Variants in KDM5A observed in about 807,000 individuals in gnomAD.
KDM5A encodes the protein lysine-specific demethylase 5A.
A neutral mutation model predicts 193.5 loss-of-function variants in KDM5A; 42 were observed. The ratio of observed to expected loss-of-function variants is 0.22; its 90% CI spans 0.17 to 0.28. The LOEUF (loss-of-function observed/expected upper bound fraction) is 0.28, where lower values mean the gene tolerates loss of function less well. KDM5A is among the 10% of genes least tolerant of loss of function. The pLI is 1.00. For synonymous variants in KDM5A, 796 were observed against 718.1 expected (o/e 1.11, Z -1.73); for missense variants, 1,692 against 2,055.1 (o/e 0.82, Z 3.42).
At chr12:309,440 G>A (rs959210929) in intron 22 of KDM5A, among the ~76,000 whole-genome samples, 2 of 152,190 alleles carry the variant, frequency 1.3e-5, no homozygotes, top group Non-Finnish European at 2.9e-5. Context: ...TCAGTCTGTA[G>A]TAAAAGTGGG....
Position 331,936 on chromosome 12 carries a change from C to T in KDM5A, c.1656G>A (p.Val552=), listed in dbSNP as rs1342496574. The change falls in exon 13 of 28, where the codon GTG becomes GTA. Residue 552 remains valine (V), a splice_region_variant and synonymous_variant. Transcript: ENST00000399788. ...PNVLMEHGVP[V]YRTNQCAGEF... ...CGCCAGCACACTGATTGGTCCTGTA[C>T]ACCTAAATGCAAATTGGGAACAGGG... 15 of 1,613,536 alleles carry T rather than the reference C, an allele frequency of 9.3e-6. No homozygotes were observed. Among genetic ancestry groups the T allele is most frequent in the Non-Finnish European group, 1.0e-5 (12 of 1,179,698 alleles).
rs1268797787 is a variant in KDM5A at position 280,276 on chromosome 12, T to C, written c.*5180A>G. The stretch of plus-strand genomic sequence containing the variant: ...GGTTGAGCTTTAAATGAAAATATTC[T>C]GGATCTTCCATTTATTGGTATCAAC... On this transcript the variant is annotated 3_prime_UTR_variant, in exon 28 of 28. Coordinates refer to ENST00000399788, the MANE Select transcript of KDM5A (RefSeq NM_001042603.3). 1 of 232,986 alleles carries C rather than the reference T, an allele frequency of 4.3e-6. No individual in the cohort carries two copies. The highest frequency in any genetic ancestry group is 6.0e-5 in the East Asian group (1 of 16,570). The allele number at this position is 232,986 out of a possible 1,614,324, so 14.4% of individuals were successfully genotyped here.
At chr12:289,598 C>G (rs1943263065) in intron 27 of KDM5A, among the ~76,000 whole-genome samples, 1 of 151,040 alleles carries the variant, frequency 6.6e-6, no homozygotes, top group African/African-American at 2.4e-5. Flanking sequence ...GCCTGTAGTC[C>G]CAGCTATTCA....
At chr12:348,853 C>A (rs1271291491) in intron 10 of KDM5A, among the ~76,000 whole-genome samples, 3 of 151,264 alleles carry the variant, frequency 2.0e-5, no homozygotes, top group Admixed American at 6.6e-5. Flanking sequence ...CACATGTATA[C>A]CTATGTATGA....
In KDM5A at chr12:283,594, A is replaced by C. The variant is rs1370437737; in HGVS notation, c.*1862T>G. 1 of 233,234 alleles carries C rather than the reference A, an allele frequency of 4.3e-6. No homozygotes were observed. Among genetic ancestry groups the C allele is most frequent in the African/African-American group, 2.2e-5 (1 of 45,332 alleles). 14.4% of individuals were successfully genotyped at this position (233,234 alleles called of 1,614,324 possible). A position where few individuals can be genotyped will look rare whatever the true frequency, so the allele number is the denominator to read the frequency against. On this transcript the variant is annotated 3_prime_UTR_variant, in exon 28 of 28. Coordinates refer to ENST00000399788, the MANE Select transcript of KDM5A (RefSeq NM_001042603.3). ...TTTGAGTTAAATCTCATACCCACTC[A>C]AACTGTAACTGGACAGTACATTTCA...
chr12:338,053 A>G (rs1212347193), intron 10 of KDM5A, among the ~76,000 whole-genome samples: 1 of 152,218 alleles, frequency 6.6e-6, no homozygotes, highest in Non-Finnish European at 1.5e-5. Context: ...TGAAAGCAAT[A>G]TATTAGAGAG....
At chr12:388,590 T>C in intron 1 of KDM5A, 1 of 402,426 alleles carries the variant, frequency 2.5e-6, no homozygotes, top group Non-Finnish European at 4.7e-6. Context: ...TATCAAACCA[T>C]AATGAGGATA....
chr12:389,100 C>T lies in KDM5A; in HGVS notation c.-9G>A, dbSNP rs1399990519. 6 of 979,068 alleles carry T rather than the reference C, an allele frequency of 6.1e-6. No individual in the cohort carries two copies. The highest frequency in any genetic ancestry group is 6.3e-5 in the East Asian group (2 of 31,782). The allele number at this position is 979,068 out of a possible 1,614,324, so 60.6% of individuals were successfully genotyped here. A position where few individuals can be genotyped will look rare whatever the true frequency, so the allele number is the denominator to read the frequency against. Reference sequence around the variant, plus strand: ...GGCCCCACGCCCGCCATTGCAACGGCCGGGGGGGGGGGGGGGTCCCCGTGG... The same window carrying T: ...GGCCCCACGCCCGCCATTGCAACGGTCGGGGGGGGGGGGGGGTCCCCGTGG... On this transcript the variant is annotated 5_prime_UTR_variant, in exon 1 of 28. Coordinates refer to ENST00000399788, the MANE Select transcript of KDM5A (RefSeq NM_001042603.3).
chr12:318,681 T>C (rs1943680352), intron 18 of KDM5A, among the ~76,000 whole-genome samples: 1 of 152,230 alleles, frequency 6.6e-6, no homozygotes, highest in Non-Finnish European at 1.5e-5. Flanking sequence ...ATTCATTCAA[T>C]AAATATTTAA....
intron 24 of KDM5A, among the ~76,000 whole-genome samples, chr12:304,474 A>C (rs1216233518): frequency 6.8e-6 from 1 of 147,544 alleles, no homozygotes; most frequent in East Asian, 2.0e-4. Flanking sequence ...TTTCATTCAA[A>C]GATATCAACA....
chr12:383,335 C>T (rs868720152), intron 3 of KDM5A, among the ~76,000 whole-genome samples: 1 of 152,054 alleles, frequency 6.6e-6, no homozygotes, highest in African/African-American at 2.4e-5. Flanking sequence ...CCACCTTAGC[C>T]TCCTGAGTGG....
intron 4 of KDM5A, among the ~76,000 whole-genome samples, chr12:364,741 C>T (rs566938734): frequency 2.5e-4 from 37 of 146,374 alleles, no homozygotes; most frequent in Admixed American, 9.6e-4. Context: ...GCCGAGATCG[C>T]GCCACTGCAC....
intron 3 of KDM5A, among the ~76,000 whole-genome samples, chr12:378,851 C>T (rs1165864255): frequency 2.7e-5 from 4 of 149,650 alleles, no homozygotes; most frequent in East Asian, 4.0e-4. Context: ...CCCAGCTACG[C>T]GGGAGGCTGA....
intron 10 of KDM5A, among the ~76,000 whole-genome samples, chr12:347,338 A>G (rs1229914649): frequency 8.5e-5 from 13 of 152,102 alleles, no homozygotes; most frequent in Non-Finnish European, 1.8e-4. Flanking sequence ...CATATTGCCC[A>G]AAGTAATTTA....
rs1944696215 is a variant in KDM5A, at chr12:389,175, C to A, written c.-84G>T. ...GAAGCCCACTAAGCCCGTTCAAGTCCCCTGACAGAGGCCGAAGCGCATCTT... is the reference window on the plus strand; with the variant it reads ...GAAGCCCACTAAGCCCGTTCAAGTCACCTGACAGAGGCCGAAGCGCATCTT... On this transcript the variant is annotated 5_prime_UTR_variant, in exon 1 of 28. Coordinates refer to ENST00000399788, the MANE Select transcript of KDM5A (RefSeq NM_001042603.3). The A allele has an allele frequency of 7.6e-7, 1 of 1,315,930 alleles. No individual in the cohort carries two copies. Among genetic ancestry groups the A allele is most frequent in the Non-Finnish European group, 1.1e-6 (1 of 909,616 alleles). 81.5% of individuals were successfully genotyped at this position (1,315,930 alleles called of 1,614,324 possible). A position where few individuals can be genotyped will look rare whatever the true frequency, so the allele number is the denominator to read the frequency against.
chr12:308,119 T>TA, intron 22 of KDM5A, 114 bp from the exon 23 acceptor site: 1 of 1,236,100 alleles, frequency 8.1e-7, no homozygotes, highest in South Asian at 1.2e-5. Flanking sequence ...AACAGTTTCC[T>TA]AAAATGTGGG....
chr12:378,078 C>T (rs1263431495), intron 3 of KDM5A, among the ~76,000 whole-genome samples: 1 of 152,178 alleles, frequency 6.6e-6, no homozygotes, highest in East Asian at 1.9e-4. Context: ...CTCTTACACC[C>T]ATTCTCCATC....
chr12:296,986 T>C, intron 25 of KDM5A, 55 bp downstream of exon 25: 1 of 1,563,378 alleles, frequency 6.4e-7, no homozygotes, highest in Non-Finnish European at 8.8e-7. Context: ...AACATAATGC[T>C]TTTTCTCATT....
rs1944687219 is a variant in KDM5A at position 388,951 on chromosome 12, G to A, written c.141C>T (p.Gly47=). Residue 47 remains glycine (G), a synonymous_variant, in exon 1 of 28, where the codon GGC becomes GGT. Transcript: ENST00000399788. Reference sequence around the variant, plus strand: ...CCTTGGGCGGCCGAATTTTGCAGATGCCGGTTTTCTCCGCCAAAGGCCGGA... The same window carrying A: ...CCTTGGGCGGCCGAATTTTGCAGATACCGGTTTTCTCCGCCAAAGGCCGGA... The part of the protein sequence containing the change: ...GRIRPLAEKT[G]ICKIRPPKDW... 2 of 1,614,124 alleles carry A rather than the reference G, an allele frequency of 1.2e-6. No homozygotes were observed. Among genetic ancestry groups the A allele is most frequent in the African/African-American group, 1.3e-5 (1 of 74,936 alleles).
Sources: gnomAD v4.1 joint callset for allele counts (sites outside exome capture counted in the v4.1 genomes callset) on GRCh38, gnomAD v4.1.1 for gene constraint, MANE v1.5 for transcripts, NCBI Gene and HGNC (gene_info 2026-07-23, HGNC 2026-07-21) for gene names.